Variants in CDHR1 observed in about 807,000 individuals in gnomAD.
The protein encoded by CDHR1 is cadherin related family member 1, also known as cadherin-related family member 1.
A neutral mutation model predicts 72.1 loss-of-function variants in CDHR1; 61 were observed. The ratio of observed to expected loss-of-function variants is 0.85; its 90% CI spans 0.69 to 1.05. The LOEUF (loss-of-function observed/expected upper bound fraction) is 1.05, where lower values mean the gene tolerates loss of function less well. Ranked by LOEUF, CDHR1 falls within the 50% of genes least tolerant of loss-of-function variation. The pLI, the probability that CDHR1 is intolerant of heterozygous loss-of-function variation, is 0.00. For missense variants in CDHR1, 1,186 were observed against 1,115.7 expected, an observed-to-expected ratio of 1.06 and a Z score of -0.90; for synonymous variants, 470 against 448.1, an observed-to-expected ratio of 1.05 and a Z score of -0.62.
intron 1 of CDHR1, 64 bp downstream of exon 1, chr10:84,194,879 C>A: frequency 6.9e-7 from 1 of 1,458,206 alleles, no homozygotes; most frequent in Non-Finnish European, 9.3e-7. Flanking sequence ...TGGCGTCACC[C>A]AGGTGGCCAG....
At position 84,216,742 on chromosome 10, in the gene CDHR1, T is replaced by A; in HGVS notation, c.*2121T>A. The stretch of plus-strand genomic sequence containing the variant: ...CAGGACATTTGCAGGCCTTGTCTAC[T>A]GGACTTTTCTCCCAAACAGGACAAG... On this transcript the variant is annotated 3_prime_UTR_variant, in exon 17 of 17. Transcript: ENST00000623527. 3.0e-6 allele frequency: 3 copies of A among 985,486 alleles called. No individual in the cohort carries two copies. The highest frequency in any genetic ancestry group is 3.6e-6 in the Non-Finnish European group (3 of 829,940). The allele number at this position is 985,486 out of a possible 1,614,324, so 61.0% of individuals were successfully genotyped here.
At position 84,194,803 on chromosome 10, in the gene CDHR1, C is replaced by A. The variant is rs1040742878; in HGVS notation, c.43C>A (p.Arg15Ser). ...RWAALALGLLRLCLAQANFAP... is the reference protein window; with the variant it reads ...RWAALALGLLSLCLAQANFAP... ...GGCCGCCCTGGCCCTGGGGCTGCTG[C>A]GCCTCTGCTTGGGTGAGTGGCCGCT... is the stretch of plus-strand genomic sequence containing the variant. The change falls in exon 1 of 17, where the codon CGC (arginine) becomes AGC (serine). Residue 15 changes from arginine to serine, a missense_variant. Transcript: ENST00000623527. 8 of 1,532,342 alleles carry A rather than the reference C, an allele frequency of 5.2e-6. No homozygotes were observed. The highest frequency in any genetic ancestry group is 7.0e-6 in the Non-Finnish European group (8 of 1,145,846). 94.9% of individuals were successfully genotyped at this position (1,532,342 alleles called of 1,614,324 possible).
At chr10:84,206,384 A>G (rs1842226966) in intron 10 of CDHR1, among the ~76,000 whole-genome samples, 1 of 152,190 alleles carries the variant, frequency 6.6e-6, no homozygotes, top group Non-Finnish European at 1.5e-5. Context: ...GGAGGTATGG[A>G]TCTGTCGCTA....
At chr10:84,219,030 C>T, downstream of CDHR1, 1 of 727,922 alleles carries the variant, frequency 1.4e-6, no homozygotes, top group South Asian at 2.1e-5. Context: ...TTATTATCCC[C>T]ATTTTACAGG....
At position 84,214,441 on chromosome 10, in the gene CDHR1, G is replaced by A; in HGVS notation, c.2400G>A (p.Val800=). The change falls in exon 17 of 17, where the codon GTG becomes GTA. Residue 800 remains valine, a synonymous_variant. Transcript: ENST00000623527. ...RAPALPPPPS[V]APSTGAAQWT... is the part of the protein sequence containing the mutation. ...CGGCTCTCCCTCCACCACCCAGCGT[G>A]GCGCCCAGCACTGGCGCAGCCCAGT... The A allele has an allele frequency of 3.1e-6, 5 of 1,612,836 alleles. No homozygotes were observed. Among genetic ancestry groups the A allele is most frequent in the Non-Finnish European group, 4.2e-6 (5 of 1,180,020 alleles).
intron 4 of CDHR1, among the ~76,000 whole-genome samples, chr10:84,198,674 G>A (rs1009053303): frequency 1.5e-4 from 23 of 152,216 alleles, no homozygotes; most frequent in Non-Finnish European, 2.2e-4. Context: ...ATGTGTGTGC[G>A]CTGGTGCAGT....
intron 16 of CDHR1, 123 bp from the exon 17 acceptor site, chr10:84,213,959 C>T: frequency 1.6e-6 from 2 of 1,284,830 alleles, no homozygotes; most frequent in East Asian, 2.3e-5. Context: ...CTATCAGATT[C>T]TCAAAGGGAC....
chr10:84,194,659 A>AC lies in CDHR1; in HGVS notation c.-97dup. Reference sequence around the variant, plus strand: ...TCCCGCCGCGGCTGCAGTCGCCGCTACCCCCATTGTGGTCTCTGCCCTCCC... The same window carrying AC: ...TCCCGCCGCGGCTGCAGTCGCCGCTACCCCCCATTGTGGTCTCTGCCCTCCC... On this transcript the variant is annotated 5_prime_UTR_variant, in exon 1 of 17. Coordinates refer to ENST00000623527, the MANE Select transcript of CDHR1 (RefSeq NM_033100.4). 2.1e-6 allele frequency: 2 copies of AC among 935,644 alleles called. No individual in the cohort carries two copies. Among genetic ancestry groups the AC allele is most frequent in the Non-Finnish European group, 2.9e-6 (2 of 679,840 alleles). 58.0% of individuals were successfully genotyped at this position (935,644 alleles called of 1,614,324 possible).
At chr10:84,206,919 G>T (rs1210433066) in intron 10 of CDHR1, among the ~76,000 whole-genome samples, 1 of 152,200 alleles carries the variant, frequency 6.6e-6, no homozygotes, top group Admixed American at 6.5e-5. Flanking sequence ...AAAATGAAAA[G>T]TATGCATGAG....
chr10:84,217,170 T>G lies in CDHR1; in HGVS notation c.*2549T>G. 13 of 985,526 alleles carry G rather than the reference T, an allele frequency of 1.3e-5. No individual in the cohort carries two copies. The highest frequency in any genetic ancestry group is 1.6e-5 in the Non-Finnish European group (13 of 830,006). 61.0% of individuals were successfully genotyped at this position (985,526 alleles called of 1,614,324 possible). ...CGCCAGTGGGGTGAGGCCAGCCAAG[T>G]CCCTGTGTTACGAATGGTGGGCCAA... On this transcript the variant is annotated 3_prime_UTR_variant, in exon 17 of 17. Transcript: ENST00000623527.
In CDHR1 at chr10:84,217,191, G is replaced by A. The variant is rs1842439292; in HGVS notation, c.*2570G>A. 1.0e-6 allele frequency: 1 copy of A among 985,526 alleles called. No individual in the cohort carries two copies. The highest frequency in any genetic ancestry group is 1.2e-6 in the Non-Finnish European group (1 of 829,988). 61.0% of individuals were successfully genotyped at this position (985,526 alleles called of 1,614,324 possible). A position where few individuals can be genotyped will look rare whatever the true frequency, so the allele number is the denominator to read the frequency against. Reference sequence around the variant, plus strand: ...CAAGTCCCTGTGTTACGAATGGTGGGCCAAGGGGCTGTCTGCTAGGTCCCA... The same window carrying A: ...CAAGTCCCTGTGTTACGAATGGTGGACCAAGGGGCTGTCTGCTAGGTCCCA... On this transcript the variant is annotated 3_prime_UTR_variant, in exon 17 of 17. Coordinates refer to ENST00000623527, the MANE Select transcript of CDHR1 (RefSeq NM_033100.4).
Position 84,203,042 on chromosome 10 carries a change from C to A in CDHR1, c.702C>A (p.Val234=), listed in dbSNP as rs1219485789. 1 of 1,614,212 alleles carries A rather than the reference C, an allele frequency of 6.2e-7. No individual in the cohort carries two copies. The change falls in exon 8 of 17, where the codon GTC becomes GTA. Residue 234 remains valine (V), a synonymous_variant. Coordinates refer to ENST00000623527, the MANE Select transcript of CDHR1 (RefSeq NM_033100.4). ...VVFSATTTVT[V]NVEDVQDMAP... ...TCTCAGCCACCACCACGGTCACGGT[C>A]AATGTGGAGGATGTTCAGGACATGG...
chr10:84,207,264 G>A (rs1300837787), intron 10 of CDHR1, among the ~76,000 whole-genome samples: 1 of 151,530 alleles, frequency 6.6e-6, no homozygotes, highest in Non-Finnish European at 1.5e-5. Context: ...GTGAGGAGGA[G>A]GAGAGGGGCA....
rs182877999 is a variant in CDHR1 at position 84,214,861 on chromosome 10, C to T, written c.*240C>T. The T allele has an allele frequency of 2.1e-5, 30 of 1,448,632 alleles. No individual in the cohort carries two copies. In the Admixed American group the frequency reaches 7.5e-4, roughly 36 times the overall value. The allele number at this position is 1,448,632 out of a possible 1,614,324, so 89.7% of individuals were successfully genotyped here. On this transcript the variant is annotated 3_prime_UTR_variant, in exon 17 of 17. Coordinates refer to ENST00000623527, the MANE Select transcript of CDHR1 (RefSeq NM_033100.4). ...GGCTCTAGGATGCAATTGGCAAATA[C>T]GTCCCCGTTACTCAAATCCTTGGCA...
intron 2 of CDHR1, 80 bp downstream of exon 2, chr10:84,195,669 C>T (rs1589292714): frequency 3.9e-6 from 5 of 1,265,846 alleles, no homozygotes; most frequent in South Asian, 3.7e-5. Context: ...GCCCCAGGCA[C>T]CACCCAAGTT....
chr10:84,218,374 T>A lies in CDHR1; in HGVS notation c.*3753T>A. ...TAAAATCGTGCACATGTACCCCTTT[T>A]GAGGCCTGAATGAGGTTCGGTTATT... is the stretch of plus-strand genomic sequence containing the variant. On this transcript the variant is annotated 3_prime_UTR_variant, in exon 17 of 17. Transcript: ENST00000623527. The A allele has an allele frequency of 2.0e-6, 2 of 985,470 alleles. No homozygotes were observed. The highest frequency in any genetic ancestry group is 2.4e-6 in the Non-Finnish European group (2 of 829,930). 61.0% of individuals were successfully genotyped at this position (985,470 alleles called of 1,614,324 possible). A position where few individuals can be genotyped will look rare whatever the true frequency, so the allele number is the denominator to read the frequency against.
At position 84,208,318 on chromosome 10, in the gene CDHR1, C is replaced by A. The variant is rs1313082398; in HGVS notation, c.1108C>A (p.His370Asn). The change falls in exon 11 of 17, where the codon CAC (histidine) becomes AAC (asparagine). Residue 370 changes from histidine to asparagine, a missense_variant. His to Asn is a moderately conservative substitution (Grantham distance 68). Coordinates refer to ENST00000623527, the MANE Select transcript of CDHR1 (RefSeq NM_033100.4). Reference protein sequence around the residue: ...QNRFELSMNEHPPQGEILRGL... With the variant: ...QNRFELSMNENPPQGEILRGL... ...CAGGTTTGAGCTGTCCATGAATGAG[C>A]ACCCACCCCAGGGAGAGATCCTGCG... 1.9e-6 allele frequency: 3 copies of A among 1,614,046 alleles called. No homozygotes were observed. Among genetic ancestry groups the A allele is most frequent in the Non-Finnish European group, 2.5e-6 (3 of 1,180,034 alleles).
rs575877403 is a variant in CDHR1, at chr10:84,217,871, G to C, written c.*3250G>C. 1.0e-6 allele frequency: 1 copy of C among 985,384 alleles called. No homozygotes were observed. Among genetic ancestry groups the C allele is most frequent in the Non-Finnish European group, 1.2e-6 (1 of 829,980 alleles). The allele number at this position is 985,384 out of a possible 1,614,324, so 61.0% of individuals were successfully genotyped here. ...ATTTGGGCGTTGACATTCCAGGGGA[G>C]TTAGGAACAATGAGAGGTCTCTAAG... On this transcript the variant is annotated 3_prime_UTR_variant, in exon 17 of 17. Coordinates refer to ENST00000623527, the MANE Select transcript of CDHR1 (RefSeq NM_033100.4).
chr10:84,215,299 C>A lies in CDHR1; in HGVS notation c.*678C>A. On this transcript the variant is annotated 3_prime_UTR_variant, in exon 17 of 17. Coordinates refer to ENST00000623527, the MANE Select transcript of CDHR1 (RefSeq NM_033100.4). The stretch of plus-strand genomic sequence containing the variant: ...GAGGACACAGAGGTGGAAGATTGAT[C>A]TTGCCAAGAGTGAGGGCAGATGTCT... 1.0e-6 allele frequency: 1 copy of A among 987,864 alleles called. No homozygotes were observed. 61.2% of individuals were successfully genotyped at this position (987,864 alleles called of 1,614,324 possible).
Sources: gnomAD v4.1 joint callset for allele counts (sites outside exome capture counted in the v4.1 genomes callset) on GRCh38, gnomAD v4.1.1 for gene constraint, MANE v1.5 for transcripts, NCBI Gene and HGNC (gene_info 2026-07-23, HGNC 2026-07-21) for gene names.